XIRP2: variants seen among roughly 807,000 people sequenced by gnomAD.
XIRP2 encodes xin actin-binding repeat-containing protein 2.
Under a neutral mutation model 277.0 loss-of-function variants are expected in XIRP2, and 236 were observed. The ratio of observed to expected loss-of-function variants is 0.85; its 90% CI spans 0.77 to 0.95. XIRP2 has a LOEUF of 0.95. XIRP2 is among the 40% of genes least tolerant of loss of function. The pLI is 0.00. For synonymous variants in XIRP2, 1,490 were observed against 1,416.5 expected, an observed-to-expected ratio of 1.05 and a Z score of -1.17; for missense variants, 4,640 against 4,157.5, an observed-to-expected ratio of 1.12 and a Z score of -3.19.
chr2:167,081,315 A>G (rs921448274), intron 2 of XIRP2, among the ~76,000 whole-genome samples: 1 of 152,136 alleles, frequency 6.6e-6, no homozygotes, highest in Non-Finnish European at 1.5e-5. Context: ...AAAAATAAAA[A>G]TTAAAAAACT....
At chr2:167,131,729 C>T (rs1009325798) in intron 2 of XIRP2, among the ~76,000 whole-genome samples, 1 of 152,056 alleles carries the variant, frequency 6.6e-6, no homozygotes, top group Non-Finnish European at 1.5e-5. Flanking sequence ...ATATACTCTC[C>T]CCCTAAGCAA....
chr2:167,137,087 G>T (rs1312254366), intron 3 of XIRP2, among the ~76,000 whole-genome samples: 1 of 152,154 alleles, frequency 6.6e-6, no homozygotes, highest in African/African-American at 2.4e-5. Context: ...AGTTTGAGAA[G>T]CTGTACACTG....
intron 2 of XIRP2, among the ~76,000 whole-genome samples, chr2:167,073,114 A>T (rs963535665): frequency 2.6e-5 from 4 of 152,150 alleles, no homozygotes; most frequent in African/African-American, 9.6e-5. Flanking sequence ...TTTTAAACAC[A>T]TTTCAAATGA....
At chr2:167,027,579 A>G (rs1688205929) in intron 2 of XIRP2, among the ~76,000 whole-genome samples, 1 of 151,774 alleles carries the variant, frequency 6.6e-6, no homozygotes, top group African/African-American at 2.4e-5. Flanking sequence ...GAGGAGAGGT[A>G]CTCTGCTTTT....
chr2:167,099,015 T>C (rs976668852), intron 2 of XIRP2, among the ~76,000 whole-genome samples: 1 of 152,126 alleles, frequency 6.6e-6, no homozygotes, highest in South Asian at 2.1e-4. Flanking sequence ...GTCTGTTTCT[T>C]AGCAGAGCTA....
intron 1 of XIRP2, among the ~76,000 whole-genome samples, chr2:166,890,264 A>C (rs1047110845): frequency 1.3e-5 from 2 of 151,970 alleles, no homozygotes; most frequent in African/African-American, 4.8e-5. Context: ...AACTGCTGGG[A>C]TTACAGGCAT....
rs1050327136 is a variant in XIRP2, at chr2:167,199,784, T to C, written c.563-10951T>C. Among the ~76,000 whole-genome samples the C allele has an allele frequency of 2.0e-5, 3 of 152,166 alleles. No individual in the cohort carries two copies. The South Asian group carries it at 6.2e-4, about 32-fold the overall frequency. ...CCAGCTTAGACAACCAGAAAGAAGATGACATTCTCGCCACAAGGGCACAGA... is the reference window on the plus strand; with the variant it reads ...CCAGCTTAGACAACCAGAAAGAAGACGACATTCTCGCCACAAGGGCACAGA... On this transcript the variant is annotated intron_variant, in intron 3 of 10. Transcript: ENST00000409195.
At chr2:167,144,130 T>C (rs1037303880) in intron 3 of XIRP2, among the ~76,000 whole-genome samples, 14 of 152,076 alleles carry the variant, frequency 9.2e-5, no homozygotes, top group African/African-American at 3.4e-4. Context: ...ATATATAATA[T>C]ACATAATGCA....
chr2:167,208,861 T>C (rs1339899484), intron 3 of XIRP2, among the ~76,000 whole-genome samples: 1 of 152,224 alleles, frequency 6.6e-6, no homozygotes, highest in Non-Finnish European at 1.5e-5. Flanking sequence ...TAGAGTGTTA[T>C]GTTCAATAAA....
chr2:167,185,501 A>T (rs930617583), intron 3 of XIRP2, among the ~76,000 whole-genome samples: 1 of 152,114 alleles, frequency 6.6e-6, no homozygotes, highest in Admixed American at 6.6e-5. Context: ...TTAAAGAAAC[A>T]TATCAATAAA....
chr2:167,211,921 T>C (rs932780910), intron 4 of XIRP2, among the ~76,000 whole-genome samples: 9 of 152,172 alleles, frequency 5.9e-5, no homozygotes, highest in Non-Finnish European at 5.9e-5. Context: ...TGTTCTTTTA[T>C]AATTATAATC....
chr2:167,249,770 A>C lies in XIRP2; in HGVS notation c.8378A>C (p.Gln2793Pro). Residue 2793 changes from glutamine (Q) to proline (P), a missense_variant, in exon 9 of 11, where the codon CAG becomes CCG. Transcript: ENST00000409195. ...CCTACAGAATCCATACAGAAGAACC[A>C]GGAAGATAAGCTCAAGATGGTTCCC... ...QLPTESIQKN[Q>P]EDKLKMVPRK... is the part of the protein sequence containing the mutation. 2 of 1,613,446 alleles carry C rather than the reference A, an allele frequency of 1.2e-6. No homozygotes were observed. Among genetic ancestry groups the C allele is most frequent in the Non-Finnish European group, 1.7e-6 (2 of 1,179,744 alleles).
chr2:167,158,073 T>C (rs2105337914), intron 3 of XIRP2, among the ~76,000 whole-genome samples: 1 of 152,316 alleles, frequency 6.6e-6, no homozygotes, highest in Admixed American at 6.5e-5. Flanking sequence ...CATCAGAACT[T>C]ACATTTTGCA....
intron 2 of XIRP2, among the ~76,000 whole-genome samples, chr2:166,987,035 G>A (rs1687024246): frequency 6.6e-6 from 1 of 151,918 alleles, no homozygotes; most frequent in Non-Finnish European, 1.5e-5. Context: ...ATAAAACCTG[G>A]GAATCTAAAT....
intron 2 of XIRP2, among the ~76,000 whole-genome samples, chr2:167,049,240 G>T (rs576054871): frequency 6.6e-6 from 1 of 150,818 alleles, no homozygotes; most frequent in African/African-American, 2.4e-5. Context: ...CTTTGGTCTG[G>T]TGCAAGCCCT....
chr2:167,243,973 T>G lies in XIRP2; in HGVS notation c.2581T>G (p.Ser861Ala). The G allele has an allele frequency of 1.9e-6, 3 of 1,613,980 alleles. No individual in the cohort carries two copies. The highest frequency in any genetic ancestry group is 2.5e-6 in the Non-Finnish European group (3 of 1,179,948). ...TCTAAAAGAAGTTCCTGATGCAGAT[T>G]CTCTACAACGTGAGGAGATAATAGG... ...DILKEVPDADSLQREEIIGGD... is the reference protein window; with the variant it reads ...DILKEVPDADALQREEIIGGD... Residue 861 changes from serine (S) to alanine (A), a missense_variant, in exon 9 of 11, where the codon TCT (serine) becomes GCT (alanine). Physicochemically the swap from Ser to Ala is moderately conservative, Grantham distance 99. Coordinates refer to ENST00000409195, the MANE Select transcript of XIRP2 (RefSeq NM_152381.6).
chr2:167,075,819 T>G lies in XIRP2; in HGVS notation c.409-60090T>G, dbSNP rs555748031. 3.3e-5 allele frequency among the ~76,000 whole-genome samples: 5 copies of G among 151,996 alleles called. No homozygotes were observed. The East Asian group carries it at 9.7e-4, about 29-fold the overall frequency. On this transcript the variant is annotated intron_variant, in intron 2 of 10. Coordinates refer to ENST00000409195, the MANE Select transcript of XIRP2 (RefSeq NM_152381.6). Reference sequence around the variant, plus strand: ...ACCATGCCCAGCTAATTTTTTTTTTTTTTTTGTATTTTTAGTATTGATGGG... The same window carrying G: ...ACCATGCCCAGCTAATTTTTTTTTTGTTTTTGTATTTTTAGTATTGATGGG...
At chr2:167,004,484 G>C (rs1414583110) in intron 2 of XIRP2, among the ~76,000 whole-genome samples, 1 of 151,832 alleles carries the variant, frequency 6.6e-6, no homozygotes, top group African/African-American at 2.4e-5. Context: ...AAGAACTTTA[G>C]AATCAGAAGG....
chr2:166,932,201 ACT>A (rs560235482), intron 2 of XIRP2, among the ~76,000 whole-genome samples: 19 of 134,738 alleles, frequency 1.4e-4, no homozygotes, highest in Admixed American at 1.1e-3. Context: ...ATGTATACAC[ACT>A]CTCTCTCTCT....
Sources: allele counts gnomAD v4.1 joint callset (sites outside exome capture counted in the v4.1 genomes callset), GRCh38; gene constraint gnomAD v4.1.1; transcripts MANE v1.5; gene names NCBI Gene and HGNC (gene_info 2026-07-23, HGNC 2026-07-21).